The following ZZZ3 variants were observed in gnomAD, a reference collection of about 807,000 sequenced individuals.
ZZZ3 encodes the protein ZZ-type zinc finger-containing protein 3.
ZZZ3 carries 22 observed loss-of-function variants against 95.2 expected under a neutral mutation model. The observed-to-expected ratio is 0.23, with a 90% CI of 0.17 to 0.33. The LOEUF (loss-of-function observed/expected upper bound fraction) is 0.33. Among genes scored for constraint, ZZZ3 ranks in the 10% least tolerant of loss-of-function variants. ZZZ3 has a pLI of 1.00. For missense variants in ZZZ3, 885 were observed against 1,066.5 expected, an observed-to-expected ratio of 0.83 and a Z score of 2.37; for synonymous variants, 335 against 358.9, an observed-to-expected ratio of 0.93 and a Z score of 0.75.
At chr1:77,589,650 G>C (rs1382779352) in intron 5 of ZZZ3, among the ~76,000 whole-genome samples, 1 of 151,764 alleles carries the variant, frequency 6.6e-6, no homozygotes, top group Middle Eastern at 3.2e-3. Context: ...TGTAGGGACA[G>C]GGTCTCGCTT....
Position 77,626,950 on chromosome 1 carries a change from G to A in ZZZ3, c.1505+4900C>T, listed in dbSNP as rs578225950. ...GAAAGTATTTCATTCAATAAATAAA[G>A]CAAAGTACTTACCTATAATGCTGAT... On this transcript the variant is annotated intron_variant, in intron 5 of 14. Transcript: ENST00000370801. Among the ~76,000 whole-genome samples, 11 of 152,136 alleles carry A rather than the reference G, an allele frequency of 7.2e-5. No homozygotes were observed. The East Asian group carries it at 2.1e-3, about 29-fold the overall frequency.
chr1:77,605,903 A>G (rs1052329457), intron 5 of ZZZ3, among the ~76,000 whole-genome samples: 5 of 152,028 alleles, frequency 3.3e-5, no homozygotes, highest in Non-Finnish European at 7.4e-5. Context: ...GAGACCTAGC[A>G]CATTCCCAGC....
chr1:77,568,212 G>A (rs2100460227), intron 13 of ZZZ3, 120 bp downstream of exon 13: 1 of 753,088 alleles, frequency 1.3e-6, no homozygotes, highest in East Asian at 3.7e-5. Flanking sequence ...CCGGGAGGCA[G>A]AGGTTGCAGT....
At chr1:77,627,816 G>A (rs1667461621) in intron 5 of ZZZ3, among the ~76,000 whole-genome samples, 1 of 152,080 alleles carries the variant, frequency 6.6e-6, no homozygotes, top group Non-Finnish European at 1.5e-5. Context: ...CAAGAATCTA[G>A]AATCCCTAAA....
At chr1:77,602,836 C>T (rs896406560) in intron 5 of ZZZ3, among the ~76,000 whole-genome samples, 1 of 151,920 alleles carries the variant, frequency 6.6e-6, no homozygotes, top group Non-Finnish European at 1.5e-5. Flanking sequence ...GAACTCCTGA[C>T]CTCGTGATCT....
chr1:77,602,355 A>G (rs1664811739), intron 5 of ZZZ3, among the ~76,000 whole-genome samples: 1 of 152,208 alleles, frequency 6.6e-6, no homozygotes, highest in South Asian at 2.1e-4. Flanking sequence ...TCTCTCAATT[A>G]TTACTTGTCC....
In ZZZ3 at chr1:77,675,386, T is replaced by C. The variant is rs1198628404; in HGVS notation, c.-403+7199A>G. The stretch of plus-strand genomic sequence containing the variant: ...AAGGAGGGTAAATAGTGCCAGAATA[T>C]AATTAGCAACGCTATTTCCTGGACA... On this transcript the variant is annotated intron_variant, in intron 1 of 14. Transcript: ENST00000370801. 3.9e-5 allele frequency among the ~76,000 whole-genome samples: 6 copies of C among 152,068 alleles called. No individual in the cohort carries two copies. The East Asian group carries it at 1.2e-3, about 29-fold the overall frequency.
At chr1:77,602,734 T>C (rs933621020) in intron 5 of ZZZ3, among the ~76,000 whole-genome samples, 4 of 151,010 alleles carry the variant, frequency 2.6e-5, no homozygotes, top group African/African-American at 9.7e-5. Context: ...GCCTCCCCAG[T>C]AGCTGGGATT....
chr1:77,682,636 T>A lies in ZZZ3; in HGVS notation c.-454A>T, dbSNP rs1262887145. 1 of 152,190 alleles carries A rather than the reference T, an allele frequency of 6.6e-6. No homozygotes were observed. The highest frequency in any genetic ancestry group is 2.4e-5 in the African/African-American group (1 of 41,430). The allele number at this position is 152,190 out of a possible 1,614,324, so 9.4% of individuals were successfully genotyped here. ...GCCCCCGGAACCCAAGGCTCCGCCA[T>A]CCAGGACAACTGCTCTGCCAACGAG... On this transcript the variant is annotated 5_prime_UTR_variant, in exon 1 of 15. An upstream start codon of the reference 5' UTR is lost. Coordinates refer to ENST00000370801, the MANE Select transcript of ZZZ3 (RefSeq NM_015534.6).
intron 5 of ZZZ3, among the ~76,000 whole-genome samples, chr1:77,605,232 A>G (rs1317596768): frequency 6.6e-6 from 1 of 152,168 alleles, no homozygotes; most frequent in Non-Finnish European, 1.5e-5. Context: ...ATGATTAATG[A>G]GAGAGAGGGC....
At chr1:77,599,706 C>T (rs922302299) in intron 5 of ZZZ3, among the ~76,000 whole-genome samples, 1 of 151,870 alleles carries the variant, frequency 6.6e-6, no homozygotes, top group South Asian at 2.1e-4. Flanking sequence ...TATTCATCTG[C>T]TAGTACAAAT....
At chr1:77,662,998 G>A (rs769830898) in intron 1 of ZZZ3, among the ~76,000 whole-genome samples, 2 of 151,920 alleles carry the variant, frequency 1.3e-5, no homozygotes, top group Non-Finnish European at 2.9e-5. Context: ...CCACCTATTC[G>A]GGAGGCTGAC....
intron 6 of ZZZ3, 123 bp downstream of exon 6, chr1:77,584,394 A>G: frequency 1.1e-6 from 1 of 945,526 alleles, no homozygotes; most frequent in Non-Finnish European, 1.5e-6. Context: ...TAGTACGGCT[A>G]ATTATAGACG....
intron 5 of ZZZ3, among the ~76,000 whole-genome samples, chr1:77,624,552 G>C (rs1159589226): frequency 6.6e-6 from 1 of 152,040 alleles, no homozygotes; most frequent in East Asian, 1.9e-4. Flanking sequence ...GAGGGTTGCT[G>C]ACCCAAACTC....
In ZZZ3 at chr1:77,632,832, T is replaced by G; in HGVS notation, c.523A>C (p.Arg175=). 1 of 1,614,174 alleles carries G rather than the reference T, an allele frequency of 6.2e-7. No homozygotes were observed. ...RCLILDDCEK[R]EIKKVNVSEE... is the part of the protein sequence containing the mutation. ...CTGACATTCACCTTTTTAATTTCCCTTTTCTCACAATCATCCAGTATAAGA... is the reference window on the plus strand; with the variant it reads ...CTGACATTCACCTTTTTAATTTCCCGTTTCTCACAATCATCCAGTATAAGA... The change falls in exon 5 of 15, where the codon AGG becomes CGG. Residue 175 remains arginine, a synonymous_variant. Coordinates refer to ENST00000370801, the MANE Select transcript of ZZZ3 (RefSeq NM_015534.6).
At chr1:77,627,609 C>T (rs1452006614) in intron 5 of ZZZ3, among the ~76,000 whole-genome samples, 2 of 152,168 alleles carry the variant, frequency 1.3e-5, no homozygotes, top group Non-Finnish European at 2.9e-5. Context: ...CTATCATTAA[C>T]GTTTTCCAAA....
chr1:77,612,701 C>T (rs546064588), intron 5 of ZZZ3, among the ~76,000 whole-genome samples: 25 of 151,658 alleles, frequency 1.6e-4, no homozygotes, highest in South Asian at 1.2e-3. Flanking sequence ...ACAAATATTG[C>T]GTGATCTGGT....
intron 6 of ZZZ3, among the ~76,000 whole-genome samples, chr1:77,584,208 G>A (rs958618889): frequency 2.0e-5 from 3 of 152,016 alleles, no homozygotes; most frequent in Non-Finnish European, 4.4e-5. Context: ...TCCTGAAACA[G>A]AGGAGGAAAA....
intron 5 of ZZZ3, among the ~76,000 whole-genome samples, chr1:77,618,233 CTTTTTTTTTTTT>C (rs10597366): frequency 9.9e-5 from 8 of 81,070 alleles, no homozygotes; most frequent in African/African-American, 4.0e-4. Context: ...CCAATGCAGC[CTTTTTTTTTTTT>C]TTTTTTTTTT....
Sources: allele counts gnomAD v4.1 joint callset (sites outside exome capture counted in the v4.1 genomes callset), GRCh38; gene constraint gnomAD v4.1.1; transcripts MANE v1.5; gene names NCBI Gene and HGNC (gene_info 2026-07-23, HGNC 2026-07-21).